OXR1: variants seen among roughly 807,000 people sequenced by gnomAD.
The protein encoded by OXR1 is oxidation resistance 1.
Under a neutral mutation model 104.6 loss-of-function variants are expected in OXR1, and 41 were observed. The observed-to-expected ratio is 0.39, with a 90% confidence interval of 0.31 to 0.51. The LOEUF is 0.51. Among genes scored for constraint, OXR1 ranks in the 20% least tolerant of loss-of-function variants. The pLI is 0.77. For missense variants in OXR1, 955 were observed against 1,031.9 expected (o/e 0.93, Z 1.02); for synonymous variants, 348 against 348.4 (o/e 1.00, Z 0.01).
intron 2 of OXR1, among the ~76,000 whole-genome samples, chr8:106,502,567 T>C (rs1811882507): frequency 6.6e-6 from 1 of 152,214 alleles, no homozygotes; most frequent in African/African-American, 2.4e-5. Context: ...TTTAGCTAAA[T>C]GTATTCAACT....
rs564662751 is a variant in OXR1 at position 106,710,608 on chromosome 8, C to A, written c.1625-14C>A. ...GTGAGAATTGAATAAACACTGTTTGCATCTCAATTCTAGGTTCTGCACTTT... is the reference window on the plus strand; with the variant it reads ...GTGAGAATTGAATAAACACTGTTTGAATCTCAATTCTAGGTTCTGCACTTT... On this transcript the variant is annotated splice_polypyrimidine_tract_variant and intron_variant, in intron 9 of 16. Coordinates refer to ENST00000517566, the MANE Select transcript of OXR1 (RefSeq NM_001198533.2). 6.5e-7 allele frequency: 1 copy of A among 1,532,358 alleles called. No homozygotes were observed. The highest frequency in any genetic ancestry group is 8.8e-7 in the Non-Finnish European group (1 of 1,136,746). 94.9% of individuals were successfully genotyped at this position (1,532,358 alleles called of 1,614,324 possible).
chr8:106,469,320 C>A (rs746026121), intron 2 of OXR1, among the ~76,000 whole-genome samples: 1 of 151,774 alleles, frequency 6.6e-6, no homozygotes, highest in Non-Finnish European at 1.5e-5. Flanking sequence ...GGTTACATAT[C>A]TTCTCTGAAT....
chr8:106,438,213 A>G (rs1388788595), intron 2 of OXR1, among the ~76,000 whole-genome samples: 8 of 152,146 alleles, frequency 5.3e-5, no homozygotes, highest in Non-Finnish European at 1.0e-4. Flanking sequence ...CTAGATTGTC[A>G]ACCAATTATA....
chr8:106,454,787 G>A (rs2130628102), intron 2 of OXR1, among the ~76,000 whole-genome samples: 1 of 152,228 alleles, frequency 6.6e-6, no homozygotes, highest in South Asian at 2.1e-4. Flanking sequence ...TCCAGACTAT[G>A]AGATTTTGTG....
At chr8:106,734,230 A>T (rs62514967) in intron 11 of OXR1, among the ~76,000 whole-genome samples, 3 of 152,146 alleles carry the variant, frequency 2.0e-5, no homozygotes, top group Middle Eastern at 3.2e-3. Context: ...AAAATGGGGC[A>T]AAGTTTAACA....
At chr8:106,556,684 G>T (rs1386834760) in intron 3 of OXR1, among the ~76,000 whole-genome samples, 1 of 152,158 alleles carries the variant, frequency 6.6e-6, no homozygotes, top group Non-Finnish European at 1.5e-5. Flanking sequence ...GGCAAAAAAG[G>T]AATTGAAAAC....
intron 2 of OXR1, among the ~76,000 whole-genome samples, chr8:106,435,924 G>C (rs1418554674): frequency 3.3e-5 from 5 of 152,176 alleles, no homozygotes; most frequent in African/African-American, 1.2e-4. Context: ...CCAATCAAAA[G>C]TGGGTCAGAT....
At chr8:106,525,914 A>G (rs1219960628) in intron 3 of OXR1, among the ~76,000 whole-genome samples, 2 of 152,238 alleles carry the variant, frequency 1.3e-5, no homozygotes, top group African/African-American at 2.4e-5. Flanking sequence ...AGCCATTTAT[A>G]GTCATTTAGT....
At chr8:106,658,908 A>G (rs1825458649) in intron 3 of OXR1, among the ~76,000 whole-genome samples, 1 of 152,338 alleles carries the variant, frequency 6.6e-6, no homozygotes, top group South Asian at 2.1e-4. Context: ...GAACAGTTTT[A>G]GCATAATGCA....
chr8:106,327,084 G>A (rs1586527435), intron 1 of OXR1, among the ~76,000 whole-genome samples: 1 of 151,892 alleles, frequency 6.6e-6, no homozygotes, highest in African/African-American at 2.4e-5. Flanking sequence ...AGTATCCTTT[G>A]TAAAAATTGT....
In OXR1 at chr8:106,707,098, A is replaced by G. The variant is rs1423493169; in HGVS notation, c.1577A>G (p.Gln526Arg). 1.2e-6 allele frequency: 2 copies of G among 1,613,928 alleles called. No individual in the cohort carries two copies. The highest frequency in any genetic ancestry group is 1.7e-5 in the Admixed American group (1 of 59,936). ...AGGGAAAATATTCAACAAGTGTCAC[A>G]AAAAGAAGCTAAGCATAAAATTACA... Reference protein sequence around the residue: ...QQRENIQQVSQKEAKHKITSA... With the variant: ...QQRENIQQVSRKEAKHKITSA... Residue 526 changes from glutamine to arginine, a missense_variant, in exon 9 of 17, where the codon CAA becomes CGA. Transcript: ENST00000517566.
At chr8:106,609,862 T>C (rs200557664) in intron 3 of OXR1, among the ~76,000 whole-genome samples, 3 of 124,522 alleles carry the variant, frequency 2.4e-5, no homozygotes, top group African/African-American at 9.1e-5. Flanking sequence ...ACACACACAT[T>C]TATGAGAGAA....
At chr8:106,567,629 AT>A in intron 3 of OXR1, among the ~76,000 whole-genome samples, 1 of 152,296 alleles carries the variant, frequency 6.6e-6, no homozygotes, top group South Asian at 2.1e-4. Flanking sequence ...GGAAGCTTAC[AT>A]TTGTGTGTCA....
intron 4 of OXR1, among the ~76,000 whole-genome samples, chr8:106,681,772 G>A (rs144991564): frequency 1.2e-3 from 184 of 152,176 alleles, no homozygotes; most frequent in Admixed American, 3.1e-3. Context: ...TGATCCACCT[G>A]CCTCAGCCTT....
At chr8:106,635,820 G>GA (rs1415542030) in intron 3 of OXR1, among the ~76,000 whole-genome samples, 3 of 152,176 alleles carry the variant, frequency 2.0e-5, no homozygotes, top group Non-Finnish European at 4.4e-5. Flanking sequence ...AGGGATGCCA[G>GA]AAAATCTTTC....
chr8:106,739,947 A>C (rs1834777636), intron 13 of OXR1, among the ~76,000 whole-genome samples: 2 of 152,186 alleles, frequency 1.3e-5, no homozygotes, highest in Non-Finnish European at 2.9e-5. Context: ...TCACACAGGG[A>C]GAAGTATTAA....
At chr8:106,670,532 G>C (rs1316669126) in intron 3 of OXR1, among the ~76,000 whole-genome samples, 1 of 152,094 alleles carries the variant, frequency 6.6e-6, no homozygotes, top group Non-Finnish European at 1.5e-5. Flanking sequence ...TGAGAATTTT[G>C]ACCTGATTAA....
chr8:106,639,624 T>C (rs1301466953), intron 3 of OXR1, among the ~76,000 whole-genome samples: 1 of 152,140 alleles, frequency 6.6e-6, no homozygotes, highest in East Asian at 1.9e-4. Flanking sequence ...GTTGGAATAT[T>C]TGAGATTTTC....
intron 3 of OXR1, among the ~76,000 whole-genome samples, chr8:106,650,239 T>G (rs1426082324): frequency 6.6e-6 from 1 of 152,186 alleles, no homozygotes; most frequent in Non-Finnish European, 1.5e-5. Context: ...TCCCGACATC[T>G]CTATATGATC....
Sources: allele counts gnomAD v4.1 joint callset (sites outside exome capture counted in the v4.1 genomes callset), GRCh38; gene constraint gnomAD v4.1.1; transcripts MANE v1.5; gene names NCBI Gene and HGNC (gene_info 2026-07-23, HGNC 2026-07-21).